Variants in ASB15 observed in about 807,000 individuals in gnomAD.
The protein encoded by ASB15 is ankyrin repeat and SOCS box protein 15.
ASB15 carries 54 observed loss-of-function variants against 58.0 expected under a neutral mutation model. The observed-to-expected ratio is 0.93, with a 90% CI of 0.75 to 1.17. ASB15 has a LOEUF of 1.17. Ranked by LOEUF, ASB15 falls within the 50% of genes most tolerant of loss-of-function variation. The pLI, the probability that ASB15 is intolerant of heterozygous loss-of-function variation, is 0.00. For missense variants in ASB15, 680 were observed against 707.4 expected (o/e 0.96, Z 0.44); for synonymous variants, 249 against 262.4 (o/e 0.95, Z 0.50).
Position 123,638,331 on chromosome 7 carries a change from C to T in ASB15, c.*1350C>T, listed in dbSNP as rs1038424592. 6.6e-6 allele frequency: 1 copy of T among 152,108 alleles called. No individual in the cohort carries two copies. Among genetic ancestry groups the T allele is most frequent in the Non-Finnish European group, 1.5e-5 (1 of 68,028 alleles). The allele number at this position is 152,108 out of a possible 1,614,324, so 9.4% of individuals were successfully genotyped here. On this transcript the variant is annotated 3_prime_UTR_variant, in exon 12 of 12. Transcript: ENST00000451215. ...TTTAGCCTCATCTCTGGATGTCTAC[C>T]TTTCCTCCTTTCCCTTGAACCTTCT...
chr7:123,629,335 C>G lies in ASB15; in HGVS notation c.1341C>G (p.Asp447Glu), dbSNP rs1215554898. 3.7e-6 allele frequency: 6 copies of G among 1,614,044 alleles called. 1 individual carries two copies. In the Admixed American group the frequency reaches 1.0e-4, roughly 27 times the overall value. The change falls in exon 10 of 12, where the codon GAC becomes GAG. Residue 447 changes from aspartate (D) to glutamate (E), a missense_variant. Transcript: ENST00000451215. ...NNGYQVEMCF[D>E]CMHGDIFGNS... is the part of the protein sequence containing the mutation. ...GCTATCAAGTGGAGATGTGCTTTGA[C>G]TGCATGCATGGTGACATCTTTGGAA...
intron 1 of ASB15, among the ~76,000 whole-genome samples, chr7:123,569,305 A>G (rs1043041749): frequency 1.3e-5 from 2 of 152,218 alleles, no homozygotes; most frequent in Non-Finnish European, 2.9e-5. Flanking sequence ...GGGAAGAAAC[A>G]TAACAACCAA....
At chr7:123,582,121 A>T (rs1024827352) in intron 1 of ASB15, among the ~76,000 whole-genome samples, 1 of 151,984 alleles carries the variant, frequency 6.6e-6, no homozygotes, top group Non-Finnish European at 1.5e-5. Context: ...GCTCAAGCTG[A>T]TCATGATCTT....
At chr7:123,628,780 A>G (rs1327015069) in intron 9 of ASB15, 84 bp from the exon 10 acceptor site, 10 of 901,530 alleles carry the variant, frequency 1.1e-5, no homozygotes, top group Non-Finnish European at 1.6e-6. Flanking sequence ...TACAACTTGC[A>G]TTCACTTATC....
chr7:123,624,418 C>T (rs1382386064), intron 7 of ASB15, 151 bp from the exon 8 acceptor site: 14 of 706,198 alleles, frequency 2.0e-5, no homozygotes, highest in South Asian at 4.0e-5. Context: ...GTATGAGAAA[C>T]AGAAGGGATA....
intron 1 of ASB15, among the ~76,000 whole-genome samples, chr7:123,576,279 C>T (rs1326583964): frequency 6.6e-6 from 1 of 151,418 alleles, no homozygotes; most frequent in Non-Finnish European, 1.5e-5. Context: ...TTATTTGCAT[C>T]TCTTTATTGA....
At chr7:123,582,980 C>A (rs1026404712) in intron 1 of ASB15, among the ~76,000 whole-genome samples, 13 of 152,126 alleles carry the variant, frequency 8.5e-5, no homozygotes, top group Middle Eastern at 3.4e-3. Flanking sequence ...CTACTAGCCT[C>A]TATTTTAAAA....
At chr7:123,616,772 A>G (rs1376231190) in intron 6 of ASB15, among the ~76,000 whole-genome samples, 1 of 152,010 alleles carries the variant, frequency 6.6e-6, no homozygotes, top group Non-Finnish European at 1.5e-5. Flanking sequence ...AAAAGTTTCT[A>G]TATATCATGA....
intron 3 of ASB15, among the ~76,000 whole-genome samples, chr7:123,612,799 A>T (rs973516317): frequency 7.2e-5 from 11 of 152,206 alleles, no homozygotes; most frequent in African/African-American, 2.7e-4. Context: ...CATTTATTCA[A>T]CACATATTTA....
chr7:123,617,407 T>C (rs1800889972), intron 6 of ASB15, among the ~76,000 whole-genome samples, 172 bp from the exon 7 acceptor site: 1 of 152,238 alleles, frequency 6.6e-6, no homozygotes, highest in Admixed American at 6.5e-5. Context: ...AGCAAGTCCA[T>C]GTGCATCTAC....
chr7:123,613,285 A>G (rs1800578154), intron 3 of ASB15, among the ~76,000 whole-genome samples: 2 of 151,206 alleles, frequency 1.3e-5, no homozygotes, highest in South Asian at 2.1e-4. Flanking sequence ...TTGCCTGCAG[A>G]GCACTCTTTT....
intron 3 of ASB15, among the ~76,000 whole-genome samples, chr7:123,610,974 C>T (rs1471384529): frequency 6.0e-5 from 9 of 148,910 alleles, no homozygotes; most frequent in Non-Finnish European, 8.9e-5. Context: ...CCCAGCTACT[C>T]GGGAGGCTAA....
At chr7:123,598,162 T>C (rs1799759620), upstream of ASB15, among the ~76,000 whole-genome samples, 1 of 152,124 alleles carries the variant, frequency 6.6e-6, no homozygotes, top group Non-Finnish European at 1.5e-5. Context: ...TGCAATGGTT[T>C]CCCTCATGTC....
intron 4 of ASB15, among the ~76,000 whole-genome samples, chr7:123,614,859 A>G (rs1338091551): frequency 4.6e-5 from 7 of 152,224 alleles, no homozygotes; most frequent in Non-Finnish European, 8.8e-5. Context: ...TTGGTTGTAT[A>G]GAATTGCCTA....
chr7:123,567,073 T>C (rs577698226), exon 1 of ASB15: 1 of 152,356 alleles, frequency 6.6e-6, no homozygotes, highest in Admixed American at 6.5e-5. Flanking sequence ...GATAGAGCTA[T>C]TTGATCCTGA....
At chr7:123,602,524 T>C (rs1482182018) in intron 1 of ASB15, among the ~76,000 whole-genome samples, 2 of 152,146 alleles carry the variant, frequency 1.3e-5, no homozygotes, top group African/African-American at 4.8e-5. Flanking sequence ...GCTTTCTATA[T>C]CTAAAATGAT....
chr7:123,629,857 ATCT>A, intron 10 of ASB15, 106 bp from the exon 11 acceptor site: 2 of 817,316 alleles, frequency 2.4e-6, no homozygotes, highest in South Asian at 4.6e-5. Context: ...ACAAGGAGAG[ATCT>A]TTTATTTTCT....
intron 3 of ASB15, chr7:123,609,159 C>G (rs926929867): frequency 1.3e-5 from 2 of 151,824 alleles, no homozygotes; most frequent in Admixed American, 6.6e-5. Flanking sequence ...ACCTGCATCT[C>G]CCTCAGAACC....
At chr7:123,573,099 C>G (rs1798960369) in intron 1 of ASB15, among the ~76,000 whole-genome samples, 1 of 152,036 alleles carries the variant, frequency 6.6e-6, no homozygotes, top group Non-Finnish European at 1.5e-5. Context: ...AAAGTACTCC[C>G]TGAAATCACC....
Sources: gnomAD v4.1 joint callset for allele counts (sites outside exome capture counted in the v4.1 genomes callset) on GRCh38, gnomAD v4.1.1 for gene constraint, MANE v1.5 for transcripts, NCBI Gene and HGNC (gene_info 2026-07-23, HGNC 2026-07-21) for gene names.